ABTB3: variants seen among roughly 807,000 people sequenced by gnomAD.
ABTB3 encodes the protein ankyrin repeat and BTB domain containing 3.
At chr12:107,384,696 C>G in the ABTB3 span, among the ~76,000 whole-genome samples, 2 of 152,118 alleles carry the variant, frequency 1.3e-5, no homozygotes, top group Non-Finnish European at 2.9e-5. Flanking sequence ...TCTTTGTACC[C>G]CCACACCAAC....
At chr12:107,383,037 C>A in the ABTB3 span, among the ~76,000 whole-genome samples, 10 of 152,260 alleles carry the variant, frequency 6.6e-5, no homozygotes, top group African/African-American at 2.4e-4. Context: ...CTCAATGGCA[C>A]CTTCGCCCTT....
At chr12:107,644,426 T>C in the ABTB3 span, among the ~76,000 whole-genome samples, 35,851 of 152,038 alleles carry the variant, frequency 0.24, 4,771 homozygotes, top group African/African-American at 0.36. Context: ...TCCCCCACCT[T>C]CTCCCGGTAT....
chr12:107,338,544 G>A, the ABTB3 span, among the ~76,000 whole-genome samples: 1 of 152,158 alleles, frequency 6.6e-6, no homozygotes, highest in Non-Finnish European at 1.5e-5. Flanking sequence ...TTGAGGACCT[G>A]GACTGAATAT....
At chr12:107,593,861 A>G in the ABTB3 span, among the ~76,000 whole-genome samples, 1 of 152,096 alleles carries the variant, frequency 6.6e-6, no homozygotes, top group African/African-American at 2.4e-5. Flanking sequence ...GAGAGAAAAT[A>G]GAAGGGCAGG....
the ABTB3 span, among the ~76,000 whole-genome samples, chr12:107,344,784 A>C: frequency 6.6e-6 from 1 of 152,238 alleles, no homozygotes; most frequent in African/African-American, 2.4e-5. Flanking sequence ...TAATAAACAT[A>C]ATCTTGAGTC....
At chr12:107,337,992 T>A in the ABTB3 span, among the ~76,000 whole-genome samples, 7 of 152,338 alleles carry the variant, frequency 4.6e-5, no homozygotes, top group South Asian at 6.2e-4. Flanking sequence ...CAGGTACTGG[T>A]GTAATGGGAA....
At chr12:107,653,068 C>G in the ABTB3 span, among the ~76,000 whole-genome samples, 1 of 152,140 alleles carries the variant, frequency 6.6e-6, no homozygotes, top group Non-Finnish European at 1.5e-5. Context: ...GCCATCGCAC[C>G]CAGCCAAGAT....
chr12:107,492,003 A>C, the ABTB3 span, among the ~76,000 whole-genome samples: 1 of 140,476 alleles, frequency 7.1e-6, no homozygotes, highest in South Asian at 2.3e-4. Flanking sequence ...CCATCTCCCC[A>C]GGAGATGGCT....
At chr12:107,488,240 G>A in the ABTB3 span, among the ~76,000 whole-genome samples, 10 of 152,186 alleles carry the variant, frequency 6.6e-5, no homozygotes, top group South Asian at 2.1e-4. Context: ...AAATCTCTTC[G>A]TGCCTGGTGG....
the ABTB3 span, among the ~76,000 whole-genome samples, chr12:107,516,972 T>G: frequency 6.6e-6 from 1 of 152,244 alleles, no homozygotes; most frequent in Non-Finnish European, 1.5e-5. Context: ...AGGTATTGCC[T>G]AGGTTTTCTT....
chr12:107,502,051 G>C, the ABTB3 span, among the ~76,000 whole-genome samples: 1 of 151,544 alleles, frequency 6.6e-6, no homozygotes, highest in Non-Finnish European at 1.5e-5. Flanking sequence ...GTCTGGGGTG[G>C]GACTGGGCAT....
At chr12:107,421,111 C>G in the ABTB3 span, among the ~76,000 whole-genome samples, 1 of 152,104 alleles carries the variant, frequency 6.6e-6, no homozygotes, top group Non-Finnish European at 1.5e-5. Flanking sequence ...CTGAGTCTAT[C>G]GAGAAAAATT....
the ABTB3 span, among the ~76,000 whole-genome samples, chr12:107,450,173 T>C: frequency 2.6e-5 from 4 of 152,170 alleles, no homozygotes; most frequent in Non-Finnish European, 1.5e-5. Flanking sequence ...TTGTTCTTTC[T>C]TATGACTTTT....
At chr12:107,319,464 C>T in the ABTB3 span, 4 of 1,605,972 alleles carry the variant, frequency 2.5e-6, no homozygotes, top group Non-Finnish European at 3.4e-6. Context: ...TGGGGCCTGG[C>T]CGCGCACTGT....
At chr12:107,483,178 C>G in the ABTB3 span, among the ~76,000 whole-genome samples, 1 of 151,864 alleles carries the variant, frequency 6.6e-6, no homozygotes, top group East Asian at 1.9e-4. Flanking sequence ...TAGGCATGCA[C>G]CATCACGCCC....
the ABTB3 span, among the ~76,000 whole-genome samples, chr12:107,641,015 T>C: frequency 6.6e-6 from 1 of 152,144 alleles, no homozygotes; most frequent in Non-Finnish European, 1.5e-5. Context: ...AGAATGATGC[T>C]GAAATGAAGA....
At chr12:107,320,140 C>T in the ABTB3 span, 12 of 1,363,376 alleles carry the variant, frequency 8.8e-6, no homozygotes, top group East Asian at 2.7e-5. Flanking sequence ...GCAAGTTTGC[C>T]TCGCGTCCCC....
At chr12:107,588,423 A>G in the ABTB3 span, among the ~76,000 whole-genome samples, 1 of 152,212 alleles carries the variant, frequency 6.6e-6, no homozygotes, top group African/African-American at 2.4e-5. Flanking sequence ...TGAAGTTTCT[A>G]GCATGGGAGA....
the ABTB3 span, among the ~76,000 whole-genome samples, chr12:107,365,884 A>C: frequency 3.9e-5 from 6 of 152,262 alleles, no homozygotes; most frequent in Non-Finnish European, 7.3e-5. Flanking sequence ...GGAATTTGAC[A>C]GCCTCTAAAG....
Sources: allele counts gnomAD v4.1 joint callset (sites outside exome capture counted in the v4.1 genomes callset), GRCh38; gene constraint gnomAD v4.1.1; transcripts MANE v1.5; gene names NCBI Gene and HGNC (gene_info 2026-07-23, HGNC 2026-07-21).